The following NTRK2 variants were observed in gnomAD, a reference collection of about 807,000 sequenced individuals.
NTRK2 encodes the protein neurotrophic receptor tyrosine kinase 2, also known as BDNF/NT-3 growth factors receptor.
Under a neutral mutation model 94.5 loss-of-function variants are expected in NTRK2, and 13 were observed. The ratio of observed to expected loss-of-function variants is 0.14; its 90% CI spans 0.09 to 0.22. The LOEUF (loss-of-function observed/expected upper bound fraction) is 0.22. NTRK2 is among the 10% of genes least tolerant of loss of function. The pLI is 1.00. For missense variants in NTRK2, 639 were observed against 1,071.2 expected (o/e 0.60, Z 5.63); for synonymous variants, 372 against 407.4 (o/e 0.91, Z 1.05).
At chr9:84,747,229 A>C (rs1415020099) in intron 11 of NTRK2, among the ~76,000 whole-genome samples, 1 of 152,200 alleles carries the variant, frequency 6.6e-6, no homozygotes, top group Admixed American at 6.5e-5. Flanking sequence ...GTATACACAC[A>C]AACACACATG....
intron 14 of NTRK2, among the ~76,000 whole-genome samples, chr9:84,890,320 T>A (rs2076559471): frequency 6.6e-6 from 1 of 152,222 alleles, no homozygotes; most frequent in African/African-American, 2.4e-5. Flanking sequence ...GCCGTGACCC[T>A]TACCGTCCTC....
At chr9:84,855,578 C>CAT (rs1162136928) in intron 12 of NTRK2, among the ~76,000 whole-genome samples, 5 of 146,816 alleles carry the variant, frequency 3.4e-5, no homozygotes, top group African/African-American at 1.3e-4. Flanking sequence ...AAACCTCAAG[C>CAT]ATATTTTTTT....
At chr9:84,803,550 A>T (rs987598251) in intron 12 of NTRK2, among the ~76,000 whole-genome samples, 2 of 152,126 alleles carry the variant, frequency 1.3e-5, no homozygotes, top group Non-Finnish European at 2.9e-5. Context: ...GGGGAGAGGG[A>T]TACCCTCCGT....
chr9:84,981,156 T>G (rs553949526), intron 17 of NTRK2, among the ~76,000 whole-genome samples: 1 of 152,310 alleles, frequency 6.6e-6, no homozygotes, highest in African/African-American at 2.4e-5. Flanking sequence ...TCTCAGCTAA[T>G]TGAAACTTCC....
chr9:84,973,734 G>A (rs985820966), intron 17 of NTRK2, among the ~76,000 whole-genome samples: 2 of 152,182 alleles, frequency 1.3e-5, no homozygotes. Flanking sequence ...AATGAGGACA[G>A]CGTTCATCAG....
At chr9:84,699,621 G>A (rs1274702959) in intron 2 of NTRK2, among the ~76,000 whole-genome samples, 1 of 149,578 alleles carries the variant, frequency 6.7e-6, no homozygotes, top group African/African-American at 2.4e-5. Context: ...TTCTTTCTTG[G>A]ACACTGGTGA....
At chr9:84,815,027 G>C (rs570039747) in intron 12 of NTRK2, 5 of 1,059,230 alleles carry the variant, frequency 4.7e-6, no homozygotes, top group Non-Finnish European at 5.7e-6. Context: ...TTTGCTGCCA[G>C]GTGCTGCCAG....
chr9:84,772,580 C>A (rs2066663141), intron 12 of NTRK2, among the ~76,000 whole-genome samples: 2 of 152,174 alleles, frequency 1.3e-5, no homozygotes, highest in Admixed American at 1.3e-4. Flanking sequence ...GTACATCATA[C>A]CTGTGTGATG....
At chr9:84,960,929 T>A (rs1014890515) in intron 17 of NTRK2, among the ~76,000 whole-genome samples, 3 of 152,114 alleles carry the variant, frequency 2.0e-5, no homozygotes, top group African/African-American at 7.2e-5. Context: ...GGACTCCCAC[T>A]TTTTGTGTGT....
At chr9:84,978,311 A>G (rs1182133675) in intron 17 of NTRK2, among the ~76,000 whole-genome samples, 2 of 152,274 alleles carry the variant, frequency 1.3e-5, no homozygotes, top group African/African-American at 4.8e-5. Context: ...CAGTGAACAC[A>G]TGAATGACAA....
At chr9:84,762,526 T>G (rs1280445483) in intron 12 of NTRK2, among the ~76,000 whole-genome samples, 1 of 152,182 alleles carries the variant, frequency 6.6e-6, no homozygotes, top group Non-Finnish European at 1.5e-5. Context: ...ATTTTAGAGG[T>G]AGATTTATGT....
rs185955284 is a variant in NTRK2, at chr9:84,824,601, A to T, written c.1397-36439A>T. On this transcript the variant is annotated intron_variant, in intron 12 of 18. Transcript: ENST00000277120. Reference sequence around the variant, plus strand: ...TGTAGGCAGCCCTAAATGGGCTCCCAAGAGAGGCTGAGGCAGCTCTCAGTT... The same window carrying T: ...TGTAGGCAGCCCTAAATGGGCTCCCTAGAGAGGCTGAGGCAGCTCTCAGTT... Among the ~76,000 whole-genome samples, 67 of 152,324 alleles carry T rather than the reference A, an allele frequency of 4.4e-4. 1 individual carries two copies. Among genetic ancestry groups the T allele is most frequent in the Admixed American group, 1.6e-3 (25 of 15,306 alleles).
chr9:84,672,087 G>C (rs1353311097), intron 2 of NTRK2, among the ~76,000 whole-genome samples: 2 of 152,290 alleles, frequency 1.3e-5, no homozygotes, highest in African/African-American at 2.4e-5. Context: ...TCCGGTTGTC[G>C]AGTGCGCATG....
intron 12 of NTRK2, chr9:84,813,897 G>A (rs1285837803): frequency 4.6e-5 from 49 of 1,065,284 alleles, no homozygotes; most frequent in Non-Finnish European, 5.3e-5. Context: ...TGGCTCAATG[G>A]GGGCCTCCAG....
At chr9:84,679,728 C>T (rs1357380137) in intron 2 of NTRK2, among the ~76,000 whole-genome samples, 1 of 152,132 alleles carries the variant, frequency 6.6e-6, no homozygotes, top group Admixed American at 6.5e-5. Flanking sequence ...TCACCATTGC[C>T]TTCACTCCAG....
chr9:84,896,144 G>A lies in NTRK2; in HGVS notation c.1633+28713G>A, dbSNP rs974748709. Among the ~76,000 whole-genome samples the A allele has an allele frequency of 9.2e-5, 14 of 152,314 alleles. No individual in the cohort carries two copies. The South Asian group carries it at 1.0e-3, about 11-fold the overall frequency. ...AACAAGGCAACTTTGGTTAATGCACGTGGCTCCATGTTTCAAAGAAATTAT... is the reference window on the plus strand; with the variant it reads ...AACAAGGCAACTTTGGTTAATGCACATGGCTCCATGTTTCAAAGAAATTAT... On this transcript the variant is annotated intron_variant, in intron 14 of 18. Transcript: ENST00000277120.
At chr9:84,744,016 A>G (rs753120232) in intron 10 of NTRK2, among the ~76,000 whole-genome samples, 15 of 152,310 alleles carry the variant, frequency 9.8e-5, no homozygotes, top group Non-Finnish European at 1.3e-4. Flanking sequence ...TTCTACCTGG[A>G]GAAGTTTAGC....
chr9:84,812,294 AC>A, intron 12 of NTRK2: 1 of 1,057,182 alleles, frequency 9.5e-7, no homozygotes, highest in Non-Finnish European at 1.1e-6. Flanking sequence ...CTTGATGAAG[AC>A]CTTTCACAGA....
At chr9:84,850,039 A>C (rs2074679920) in intron 12 of NTRK2, among the ~76,000 whole-genome samples, 1 of 152,220 alleles carries the variant, frequency 6.6e-6, no homozygotes, top group Non-Finnish European at 1.5e-5. Flanking sequence ...AATGCAGTGC[A>C]GAATGTGGTG....
Sources: allele counts gnomAD v4.1 joint callset (sites outside exome capture counted in the v4.1 genomes callset), GRCh38; gene constraint gnomAD v4.1.1; transcripts MANE v1.5; gene names NCBI Gene and HGNC (gene_info 2026-07-23, HGNC 2026-07-21).